The following UBAC2 variants were observed in gnomAD, a reference collection of about 807,000 sequenced individuals.
The protein encoded by UBAC2 is UBA domain containing 2.
UBAC2 carries 26 observed loss-of-function variants against 44.0 expected under a neutral mutation model. The ratio of observed to expected loss-of-function variants is 0.59; its 90% CI spans 0.43 to 0.82. The LOEUF (loss-of-function observed/expected upper bound fraction) is 0.82, where lower values mean the gene tolerates loss of function less well. Among genes scored for constraint, UBAC2 ranks in the 40% least tolerant of loss-of-function variants. The pLI is 0.00. For missense variants in UBAC2, 329 were observed against 419.4 expected (o/e 0.78, Z 1.88); for synonymous variants, 155 against 154.3 (o/e 1.00, Z -0.04).
chr13:99,226,767 T>C (rs925714613), intron 1 of UBAC2, among the ~76,000 whole-genome samples: 1 of 152,170 alleles, frequency 6.6e-6, no homozygotes, highest in Non-Finnish European at 1.5e-5. Flanking sequence ...TTGAGCATGT[T>C]TTCATCTCAA....
In UBAC2 at chr13:99,278,108, C is replaced by T. The variant is rs190835286; in HGVS notation, c.389+33484C>T. Among the ~76,000 whole-genome samples, 565 of 152,238 alleles carry T rather than the reference C, an allele frequency of 3.7e-3. 2 individuals carry two copies. Among genetic ancestry groups the T allele is most frequent in the African/African-American group, 0.012 (492 of 41,546 alleles). ...TTCCAGGACTAGGCACAGATAATTT[C>T]GGAAGCTAAGAAATAGCTGTGATGG... On this transcript the variant is annotated intron_variant, in intron 4 of 8. Coordinates refer to ENST00000403766, the MANE Select transcript of UBAC2 (RefSeq NM_001144072.2).
chr13:99,220,962 A>G (rs1455795987), intron 1 of UBAC2, among the ~76,000 whole-genome samples: 1 of 152,144 alleles, frequency 6.6e-6, no homozygotes, highest in African/African-American at 2.4e-5. Context: ...TTTTAAAAAA[A>G]GTATTTATAT....
chr13:99,242,997 G>A (rs565974939), intron 2 of UBAC2, among the ~76,000 whole-genome samples: 5 of 151,754 alleles, frequency 3.3e-5, no homozygotes, highest in Non-Finnish European at 7.4e-5. Flanking sequence ...TGGGATGGCG[G>A]CCGGGCAGAG....
intron 7 of UBAC2, among the ~76,000 whole-genome samples, chr13:99,354,533 G>A (rs1325786103): frequency 6.6e-6 from 1 of 152,194 alleles, no homozygotes; most frequent in East Asian, 1.9e-4. Flanking sequence ...GAGGGTTTGG[G>A]TTGCAGAGAA....
At chr13:99,208,302 T>A (rs767514888) in intron 1 of UBAC2, among the ~76,000 whole-genome samples, 1 of 152,172 alleles carries the variant, frequency 6.6e-6, no homozygotes, top group Admixed American at 6.5e-5. Flanking sequence ...CCACCTTCAC[T>A]GTCTCTTTAA....
intron 1 of UBAC2, among the ~76,000 whole-genome samples, chr13:99,223,988 A>C (rs1377314173): frequency 6.6e-6 from 1 of 152,218 alleles, no homozygotes; most frequent in African/African-American, 2.4e-5. Flanking sequence ...ATAAATGTCA[A>C]TCAGGCCAAA....
intron 8 of UBAC2, among the ~76,000 whole-genome samples, chr13:99,380,661 A>AT (rs1292219698): frequency 6.6e-6 from 1 of 152,232 alleles, no homozygotes; most frequent in African/African-American, 2.4e-5. Flanking sequence ...GCTGGTTGTC[A>AT]TCGCATACCC....
At chr13:99,312,975 G>GTT (rs2044432888) in intron 4 of UBAC2, 1 of 152,078 alleles carries the variant, frequency 6.6e-6, no homozygotes, top group Non-Finnish European at 1.5e-5. Context: ...ATTTTTTTTT[G>GTT]TTTTTGTTTG....
At chr13:99,274,073 C>T (rs987824595) in intron 4 of UBAC2, among the ~76,000 whole-genome samples, 1 of 151,992 alleles carries the variant, frequency 6.6e-6, no homozygotes, top group African/African-American at 2.4e-5. Flanking sequence ...AGAATGTGAC[C>T]CACTCCCTAA....
intron 8 of UBAC2, among the ~76,000 whole-genome samples, chr13:99,383,280 A>G (rs970582582): frequency 7.2e-5 from 11 of 152,218 alleles, no homozygotes; most frequent in Admixed American, 2.0e-4. Flanking sequence ...GGTCTCTCAA[A>G]TCCTGCCTGA....
intron 4 of UBAC2, among the ~76,000 whole-genome samples, chr13:99,294,116 C>T (rs1457074057): frequency 1.3e-5 from 2 of 152,106 alleles, no homozygotes; most frequent in Non-Finnish European, 2.9e-5. Flanking sequence ...TTACTCGGAT[C>T]GTATTTAGCA....
intron 7 of UBAC2, among the ~76,000 whole-genome samples, chr13:99,367,512 T>C (rs554254206): frequency 6.6e-6 from 1 of 152,316 alleles, no homozygotes; most frequent in South Asian, 2.1e-4. Context: ...CTGTACAGTG[T>C]CTTTCACTGC....
At chr13:99,355,326 C>G (rs1272233562) in intron 7 of UBAC2, among the ~76,000 whole-genome samples, 2 of 152,238 alleles carry the variant, frequency 1.3e-5, no homozygotes, top group East Asian at 3.9e-4. Context: ...AATCCACACT[C>G]TGAGAGATGC....
At chr13:99,223,105 A>C (rs901428601) in intron 1 of UBAC2, among the ~76,000 whole-genome samples, 11 of 152,206 alleles carry the variant, frequency 7.2e-5, no homozygotes, top group Admixed American at 3.9e-4. Flanking sequence ...GTTTCATCTA[A>C]GTTATCAAAT....
chr13:99,279,673 T>G (rs1410004427), intron 4 of UBAC2, among the ~76,000 whole-genome samples: 1 of 152,196 alleles, frequency 6.6e-6, no homozygotes, highest in African/African-American at 2.4e-5. Flanking sequence ...AACCGAAATT[T>G]ATTTCTCACA....
intron 8 of UBAC2, among the ~76,000 whole-genome samples, chr13:99,383,069 G>A (rs1433990570): frequency 6.6e-6 from 1 of 152,226 alleles, no homozygotes; most frequent in East Asian, 1.9e-4. Context: ...AGAACACCAG[G>A]GTGGCAGCAT....
chr13:99,286,388 C>G (rs1426771488), intron 4 of UBAC2, among the ~76,000 whole-genome samples: 1 of 152,104 alleles, frequency 6.6e-6, no homozygotes, highest in South Asian at 2.1e-4. Context: ...GTTTATGAAG[C>G]CTTGCTGATC....
At chr13:99,214,183 T>C (rs1364315416) in intron 1 of UBAC2, among the ~76,000 whole-genome samples, 4 of 152,114 alleles carry the variant, frequency 2.6e-5, no homozygotes, top group African/African-American at 9.7e-5. Flanking sequence ...CTGCTGTTTC[T>C]TCAATCTTGT....
chr13:99,318,319 C>T (rs2044520658), intron 6 of UBAC2, among the ~76,000 whole-genome samples: 1 of 151,822 alleles, frequency 6.6e-6, no homozygotes, highest in African/African-American at 2.4e-5. Context: ...AGGTGTGTGC[C>T]ACCACGCCTG....
Sources: gnomAD v4.1 joint callset for allele counts (sites outside exome capture counted in the v4.1 genomes callset) on GRCh38, gnomAD v4.1.1 for gene constraint, MANE v1.5 for transcripts, NCBI Gene and HGNC (gene_info 2026-07-23, HGNC 2026-07-21) for gene names.